TPPP: variants seen among roughly 807,000 people sequenced by gnomAD.
The protein encoded by TPPP is tubulin polymerization-promoting protein.
In TPPP, 6 loss-of-function variants were observed where a neutral mutation model predicts 15.5. The ratio of observed to expected loss-of-function variants is 0.39; its 90% CI spans 0.21 to 0.77. TPPP has a LOEUF of 0.77. TPPP is among the 30% of genes least tolerant of loss of function. The pLI, the probability that TPPP is intolerant of heterozygous loss-of-function variation, is 0.42. For missense variants in TPPP, 269 were observed against 307.2 expected (o/e 0.88, Z 0.93); for synonymous variants, 146 against 133.9 (o/e 1.09, Z -0.63).
intron 1 of TPPP, among the ~76,000 whole-genome samples, chr5:682,460 C>A (rs1215165521): frequency 6.7e-6 from 1 of 150,244 alleles, no homozygotes; most frequent in Non-Finnish European, 1.5e-5. Flanking sequence ...GAGCCTGTTA[C>A]TAGGGCCTGG....
At chr5:667,074 A>T (rs1580074206) in intron 2 of TPPP, 1 of 128,848 alleles carries the variant, frequency 7.8e-6, no homozygotes, top group African/African-American at 5.2e-5. Flanking sequence ...AATGACCCAT[A>T]AAACCCCAGC....
At chr5:688,428 T>C (rs1740819116) in intron 1 of TPPP, among the ~76,000 whole-genome samples, 1 of 150,644 alleles carries the variant, frequency 6.6e-6, no homozygotes, top group Non-Finnish European at 1.5e-5. Flanking sequence ...AGCACAGCAG[T>C]GTGCCCACCA....
chr5:677,447 A>T (rs1205895035), intron 2 of TPPP, among the ~76,000 whole-genome samples: 1 of 152,178 alleles, frequency 6.6e-6, no homozygotes, highest in African/African-American at 2.4e-5. Context: ...CTCTGAGGCC[A>T]GACATCCCCT....
intron 2 of TPPP, among the ~76,000 whole-genome samples, chr5:676,965 A>G (rs1271439307): frequency 2.0e-5 from 3 of 146,956 alleles, no homozygotes; most frequent in Admixed American, 1.4e-4. Context: ...ACACGTGCAC[A>G]CAGAAACGCA....
intron 2 of TPPP, among the ~76,000 whole-genome samples, chr5:673,533 G>A (rs561618249): frequency 6.6e-6 from 1 of 152,288 alleles, no homozygotes; most frequent in African/African-American, 2.4e-5. Context: ...CTGAGCTGCT[G>A]CCCGCAGGAC....
intron 1 of TPPP, among the ~76,000 whole-genome samples, chr5:681,248 G>A (rs1361301237): frequency 2.6e-5 from 4 of 152,190 alleles, no homozygotes; most frequent in Non-Finnish European, 4.4e-5. Flanking sequence ...CAGAGGCTCT[G>A]CTCTTTCACC....
At chr5:677,168 G>A (rs532743263) in intron 2 of TPPP, among the ~76,000 whole-genome samples, 12 of 152,392 alleles carry the variant, frequency 7.9e-5, no homozygotes, top group East Asian at 3.9e-4. Context: ...TTTGCCGCCC[G>A]TGGGAATCCT....
At chr5:692,896 G>T (rs531161684) in intron 1 of TPPP, 1 of 942,352 alleles carries the variant, frequency 1.1e-6, no homozygotes. Flanking sequence ...CTGGGAATAG[G>T]GAAACGGTTC....
intron 2 of TPPP, among the ~76,000 whole-genome samples, chr5:676,856 C>T (rs551093490): frequency 5.8e-4 from 86 of 147,164 alleles, no homozygotes; most frequent in African/African-American, 2.1e-3. Context: ...CACAGAAACG[C>T]GCACACACGA....
In TPPP at chr5:664,076, G is replaced by C. The variant is rs886657185; in HGVS notation, c.*1026C>G. The C allele has an allele frequency of 1.3e-5, 2 of 151,910 alleles. No individual in the cohort carries two copies. The highest frequency in any genetic ancestry group is 4.8e-5 in the African/African-American group (2 of 41,290). 9.4% of individuals were successfully genotyped at this position (151,910 alleles called of 1,614,324 possible). A position where few individuals can be genotyped will look rare whatever the true frequency, so the allele number is the denominator to read the frequency against. Reference sequence around the variant, plus strand: ...TGCAGGACTGGGGGTCCTCCCTAGTGTCCTGCTCTCCGGCGGGGGGGATTG... The same window carrying C: ...TGCAGGACTGGGGGTCCTCCCTAGTCTCCTGCTCTCCGGCGGGGGGGATTG... On this transcript the variant is annotated 3_prime_UTR_variant, in exon 4 of 4. Transcript: ENST00000360578.
rs1246452434 is a variant in TPPP, at chr5:678,121, G to A, written c.-4-57C>T. The A allele has an allele frequency of 4.2e-6, 6 of 1,444,044 alleles. No homozygotes were observed. In the East Asian group the frequency reaches 1.0e-4, roughly 24 times the overall value. The allele number at this position is 1,444,044 out of a possible 1,614,324, so 89.5% of individuals were successfully genotyped here. A position where few individuals can be genotyped will look rare whatever the true frequency, so the allele number is the denominator to read the frequency against. Reference sequence around the variant, plus strand: ...CCGGGCCATGTCCCAGCTGAGCCGGGTGCAGCCCAGGAAACCCCGCCGTAC... The same window carrying A: ...CCGGGCCATGTCCCAGCTGAGCCGGATGCAGCCCAGGAAACCCCGCCGTAC... On this transcript the variant is annotated intron_variant, in intron 1 of 3. Coordinates refer to ENST00000360578, the MANE Select transcript of TPPP (RefSeq NM_007030.3).
intron 1 of TPPP, among the ~76,000 whole-genome samples, chr5:681,612 C>A (rs1421388542): frequency 1.3e-5 from 2 of 152,208 alleles, no homozygotes; most frequent in East Asian, 1.9e-4. Context: ...CCTGGCCAGA[C>A]CCTATGGGAC....
In TPPP at chr5:678,100, G is replaced by A. The variant is rs1364846533; in HGVS notation, c.-4-36C>T. 2.7e-6 allele frequency: 4 copies of A among 1,463,306 alleles called. No individual in the cohort carries two copies. In the African/African-American group the frequency reaches 5.7e-5, roughly 21 times the overall value. The allele number at this position is 1,463,306 out of a possible 1,614,324, so 90.6% of individuals were successfully genotyped here. A position where few individuals can be genotyped will look rare whatever the true frequency, so the allele number is the denominator to read the frequency against. On this transcript the variant is annotated intron_variant, in intron 1 of 3. Coordinates refer to ENST00000360578, the MANE Select transcript of TPPP (RefSeq NM_007030.3). ...AGGAGAGGAGAAAGGTGTCACCCGG[G>A]CCATGTCCCAGCTGAGCCGGGTGCA...
intron 1 of TPPP, among the ~76,000 whole-genome samples, chr5:681,452 G>A (rs573801164): frequency 6.5e-4 from 99 of 152,144 alleles, no homozygotes; most frequent in African/African-American, 2.1e-3. Context: ...GCCTGTGCCC[G>A]CCATCCCAGT....
chr5:681,869 A>C (rs1740634392), intron 1 of TPPP, among the ~76,000 whole-genome samples: 2 of 152,214 alleles, frequency 1.3e-5, no homozygotes, highest in Non-Finnish European at 2.9e-5. Context: ...TGGCTGTCCT[A>C]GGGAACGAAG....
At chr5:675,566 TG>T (rs1359542536) in intron 2 of TPPP, among the ~76,000 whole-genome samples, 6 of 22,528 alleles carry the variant, frequency 2.7e-4, no homozygotes, top group Non-Finnish European at 3.7e-4. Flanking sequence ...GCAGTGTGGC[TG>T]GGGGTGCGGT....
intron 1 of TPPP, among the ~76,000 whole-genome samples, chr5:684,139 C>T (rs1230188311): frequency 2.0e-5 from 3 of 152,238 alleles, no homozygotes; most frequent in Non-Finnish European, 4.4e-5. Context: ...CTCCAATGTC[C>T]CACGGCCACA....
In TPPP at chr5:682,779, AC is replaced by A. The variant is rs1306269442; in HGVS notation, c.-4-4716del. Among the ~76,000 whole-genome samples the A allele has an allele frequency of 8.3e-4, 126 of 152,360 alleles. 2 individuals carry two copies. The highest frequency in any genetic ancestry group is 2.8e-3 in the African/African-American group (118 of 41,590). On this transcript the variant is annotated intron_variant, in intron 1 of 3. Coordinates refer to ENST00000360578, the MANE Select transcript of TPPP (RefSeq NM_007030.3). The stretch of plus-strand genomic sequence containing the variant: ...CGGGGGTGGCGCCGACAGAGCCTAC[AC>A]GACTGCTCTCCATGTGGATGGCTGT...
the TPPP span, among the ~76,000 whole-genome samples, chr5:698,388 G>A: frequency 6.6e-6 from 1 of 151,984 alleles, no homozygotes; most frequent in Non-Finnish European, 1.5e-5. Context: ...CCTTTCTGTT[G>A]GTGAAATTAT....
Sources: allele counts gnomAD v4.1 joint callset (sites outside exome capture counted in the v4.1 genomes callset), GRCh38; gene constraint gnomAD v4.1.1; transcripts MANE v1.5; gene names NCBI Gene and HGNC (gene_info 2026-07-23, HGNC 2026-07-21).